Variants in EMX2 observed in about 807,000 individuals in gnomAD.
The protein encoded by EMX2 is homeobox protein EMX2.
A neutral mutation model predicts 23.0 loss-of-function variants in EMX2; 6 were observed. The observed-to-expected ratio is 0.26, with a 90% confidence interval of 0.14 to 0.52. The LOEUF is 0.52. EMX2 is among the 20% of genes least tolerant of loss of function. EMX2 has a pLI of 0.97. For synonymous variants in EMX2, 175 were observed against 153.3 expected, an observed-to-expected ratio of 1.14 and a Z score of -1.04; for missense variants, 302 against 341.4, an observed-to-expected ratio of 0.88 and a Z score of 0.91.
In EMX2 at chr10:117,545,635, A is replaced by G. The variant is rs1232650323; in HGVS notation, c.410A>G (p.Asn137Ser). 6.2e-7 allele frequency: 1 copy of G among 1,613,946 alleles called. No individual in the cohort carries two copies. Among genetic ancestry groups the G allele is most frequent in the Admixed American group, 1.7e-5 (1 of 60,028 alleles). Residue 137 changes from asparagine to serine, a missense_variant, in exon 2 of 3, where the codon AAC becomes AGC. This residue lies in a region of EMX2 where 221 missense variants were observed against 206.8 expected (regional missense o/e 1.07). Coordinates refer to ENST00000553456, the MANE Select transcript of EMX2 (RefSeq NM_004098.4). ...YRYLGHRFQG[N>S]DTSPESFLLH... ...ATTTCTGCTGTGCTCCCCGCAGGGA[A>G]CGACACTAGCCCCGAGAGTTTCCTT...
At chr10:117,547,052 T>C (rs1443009375) in intron 2 of EMX2, among the ~76,000 whole-genome samples, 5 of 152,192 alleles carry the variant, frequency 3.3e-5, no homozygotes, top group Non-Finnish European at 5.9e-5. Flanking sequence ...CTCCCTTACC[T>C]GTACACCACT....
At chr10:117,547,975 A>G in intron 2 of EMX2, 90 bp from the exon 3 acceptor site, 1 of 1,525,016 alleles carries the variant, frequency 6.6e-7, no homozygotes, top group Non-Finnish European at 8.8e-7. Flanking sequence ...TGAGTCTGGA[A>G]CTGGAGTCTG....
intron 1 of EMX2, chr10:117,544,168 T>G: frequency 5.2e-6 from 1 of 191,220 alleles, no homozygotes; most frequent in Non-Finnish European, 1.1e-5. Context: ...TTCCACCCTC[T>G]TCTGGAGGCG....
chr10:117,548,001 T>C lies in EMX2; in HGVS notation c.592-64T>C. 3 of 1,554,306 alleles carry C rather than the reference T, an allele frequency of 1.9e-6. No individual in the cohort carries two copies. The Admixed American group carries it at 5.8e-5, about 30-fold the overall frequency. Reference sequence around the variant, plus strand: ...CTGGAGTCTGGGCTGGGTGAAAGGATCAGGCACTTGATAGAAGGGTGCTCT... The same window carrying C: ...CTGGAGTCTGGGCTGGGTGAAAGGACCAGGCACTTGATAGAAGGGTGCTCT... On this transcript the variant is annotated intron_variant, in intron 2 of 2. Transcript: ENST00000553456.
Position 117,543,169 on chromosome 10 carries a change from C to T in EMX2, c.-99C>T. 1 of 765,816 alleles carries T rather than the reference C, an allele frequency of 1.3e-6. No individual in the cohort carries two copies. Among genetic ancestry groups the T allele is most frequent in the Non-Finnish European group, 1.7e-6 (1 of 586,096 alleles). 47.4% of individuals were successfully genotyped at this position (765,816 alleles called of 1,614,324 possible). A position where few individuals can be genotyped will look rare whatever the true frequency, so the allele number is the denominator to read the frequency against. ...CCCCCACCCCAAACAAACGAGTCCC[C>T]AATTCTCGTCCGTCCTCGCCGCGGG... On this transcript the variant is annotated 5_prime_UTR_variant, in exon 1 of 3. Coordinates refer to ENST00000553456, the MANE Select transcript of EMX2 (RefSeq NM_004098.4).
rs958969498 is a variant in EMX2 at position 117,542,980 on chromosome 10, C to A, written c.-288C>A. ...AAAGAAAAAAAATTACCCCAATCCA[C>A]GCCTGCAAATTCTTCTGGAAGGATT... On this transcript the variant is annotated 5_prime_UTR_variant, in exon 1 of 3. Coordinates refer to ENST00000553456, the MANE Select transcript of EMX2 (RefSeq NM_004098.4). 18 of 351,510 alleles carry A rather than the reference C, an allele frequency of 5.1e-5. No homozygotes were observed. Among genetic ancestry groups the A allele is most frequent in the African/African-American group, 3.5e-4 (16 of 45,908 alleles). 21.8% of individuals were successfully genotyped at this position (351,510 alleles called of 1,614,324 possible). A position where few individuals can be genotyped will look rare whatever the true frequency, so the allele number is the denominator to read the frequency against.
At chr10:117,547,102 T>A (rs919496941) in intron 2 of EMX2, among the ~76,000 whole-genome samples, 3 of 152,148 alleles carry the variant, frequency 2.0e-5, no homozygotes, top group Non-Finnish European at 4.4e-5. Context: ...GGTGGCTAAA[T>A]GAGGACCCAC....
chr10:117,548,387 G>A lies in EMX2; in HGVS notation c.*155G>A. 1 of 1,221,550 alleles carries A rather than the reference G, an allele frequency of 8.2e-7. No individual in the cohort carries two copies. Among genetic ancestry groups the A allele is most frequent in the African/African-American group, 1.5e-5 (1 of 65,190 alleles). The allele number at this position is 1,221,550 out of a possible 1,614,324, so 75.7% of individuals were successfully genotyped here. A position where few individuals can be genotyped will look rare whatever the true frequency, so the allele number is the denominator to read the frequency against. ...GGAGGGAGCAGCGGAATGCGGCGAA[G>A]ACTCTGGACAGCGAGGGCACAGGGT... is the stretch of plus-strand genomic sequence containing the variant. On this transcript the variant is annotated 3_prime_UTR_variant, in exon 3 of 3. Transcript: ENST00000553456.
Position 117,548,096 on chromosome 10 carries a change from A to G in EMX2, c.623A>G (p.Lys208Arg). The change falls in exon 3 of 3, where the codon AAG becomes AGG. Residue 208 changes from lysine to arginine, a missense_variant. Lys to Arg is a conservative substitution (Grantham distance 26). Transcript: ENST00000553456. ...VKVWFQNRRT[K>R]FKRQKLEEEG... The stretch of plus-strand genomic sequence containing the variant: ...GTATGGTTTCAGAACCGAAGAACAA[A>G]GTTCAAAAGGCAGAAGCTGGAGGAA... 6.2e-7 allele frequency: 1 copy of G among 1,613,336 alleles called. No homozygotes were observed. Among genetic ancestry groups the G allele is most frequent in the Non-Finnish European group, 8.5e-7 (1 of 1,179,650 alleles).
At chr10:117,545,477 G>A (rs1846563656) in intron 1 of EMX2, among the ~76,000 whole-genome samples, 155 bp from the exon 2 acceptor site, 1 of 152,158 alleles carries the variant, frequency 6.6e-6, no homozygotes, top group South Asian at 2.1e-4. Context: ...CGTTCCCTTC[G>A]TGAGCCCTTG....
At chr10:117,545,862 C>A in intron 2 of EMX2, 46 bp downstream of exon 2, 1 of 1,611,914 alleles carries the variant, frequency 6.2e-7, no homozygotes, top group Non-Finnish European at 8.5e-7. Flanking sequence ...CGTGCGCCCC[C>A]TCCCCAAAGC....
In EMX2 at chr10:117,543,263, G is replaced by A. The variant is rs1485176468; in HGVS notation, c.-5G>A. The A allele has an allele frequency of 6.5e-7, 1 of 1,542,434 alleles. No homozygotes were observed. Among genetic ancestry groups the A allele is most frequent in the Non-Finnish European group, 8.7e-7 (1 of 1,143,262 alleles). On this transcript the variant is annotated 5_prime_UTR_variant, in exon 1 of 3. Coordinates refer to ENST00000553456, the MANE Select transcript of EMX2 (RefSeq NM_004098.4). The stretch of plus-strand genomic sequence containing the variant: ...GAGCCCAGGGCGCCCGCTCCTCGGC[G>A]CAGCATGTTCCAGCCGGCGCCCAAG...
At chr10:117,546,568 C>G (rs1846581666) in intron 2 of EMX2, among the ~76,000 whole-genome samples, 1 of 152,214 alleles carries the variant, frequency 6.6e-6, no homozygotes, top group Admixed American at 6.5e-5. Flanking sequence ...TCAGAAAGGT[C>G]GAGGCTTTTG....
Position 117,548,106 on chromosome 10 carries a change from G to A in EMX2, c.633G>A (p.Arg211=). The A allele has an allele frequency of 6.2e-7, 1 of 1,613,492 alleles. No individual in the cohort carries two copies. The highest frequency in any genetic ancestry group is 1.3e-5 in the African/African-American group (1 of 75,008). ...AGAACCGAAGAACAAAGTTCAAAAG[G>A]CAGAAGCTGGAGGAAGAAGGCTCAG... ...WFQNRRTKFK[R]QKLEEEGSDS... is the part of the protein sequence containing the mutation. Residue 211 remains arginine (R), a synonymous_variant, in exon 3 of 3, where the codon AGG becomes AGA. Coordinates refer to ENST00000553456, the MANE Select transcript of EMX2 (RefSeq NM_004098.4).
intron 2 of EMX2, among the ~76,000 whole-genome samples, chr10:117,547,281 TAGA>T (rs1169592084): frequency 6.6e-6 from 1 of 152,218 alleles, no homozygotes; most frequent in Non-Finnish European, 1.5e-5. Context: ...CGGGGCTGTT[TAGA>T]AGGAGGGAAG....
At position 117,543,426 on chromosome 10, in the gene EMX2, G is replaced by GGCC. The variant is rs756693906; in HGVS notation, c.176_178dup (p.Ala59dup). On this transcript the variant is annotated inframe_insertion, in exon 1 of 3. Coordinates refer to ENST00000553456, the MANE Select transcript of EMX2 (RefSeq NM_004098.4). ...ATCCGTTCCTCAACGGCTTCCACTC[G>GGCC]GCCGCCGCCGCCGCCGCCGGTAGGG... The GGCC allele has an allele frequency of 5.4e-5, 86 of 1,597,602 alleles. No homozygotes were observed. The highest frequency in any genetic ancestry group is 1.6e-4 in the Middle Eastern group (1 of 6,064).
In EMX2 at chr10:117,548,447, G is replaced by A. The variant is rs1420149961; in HGVS notation, c.*215G>A. ...AGGCCGCGCCAAGATGGCAGAGGAT[G>A]GAGGCTCCTTCATCAACAAGCGACC... is the stretch of plus-strand genomic sequence containing the variant. On this transcript the variant is annotated 3_prime_UTR_variant, in exon 3 of 3. Transcript: ENST00000553456. 5 of 677,212 alleles carry A rather than the reference G, an allele frequency of 7.4e-6. No homozygotes were observed. The highest frequency in any genetic ancestry group is 1.2e-5 in the Non-Finnish European group (5 of 407,818). The allele number at this position is 677,212 out of a possible 1,614,324, so 42.0% of individuals were successfully genotyped here.
intron 2 of EMX2, among the ~76,000 whole-genome samples, chr10:117,547,466 C>A (rs1210039700): frequency 6.6e-6 from 1 of 152,242 alleles, no homozygotes; most frequent in Non-Finnish European, 1.5e-5. Context: ...CAGCCCCATC[C>A]CCTTCCTGCT....
intron 2 of EMX2, 49 bp from the exon 3 acceptor site, chr10:117,548,015 GA>G (rs1230609349): frequency 1.1e-5 from 17 of 1,571,660 alleles, no homozygotes; most frequent in Non-Finnish European, 1.3e-5. Context: ...GCACTTGATA[GA>G]AGGGTGCTCT....
Sources: gnomAD v4.1 joint callset for allele counts (sites outside exome capture counted in the v4.1 genomes callset) on GRCh38, gnomAD v4.1.1 for gene constraint, gnomAD v4.1.1 regional missense constraint, MANE v1.5 for transcripts, NCBI Gene and HGNC (gene_info 2026-07-23, HGNC 2026-07-21) for gene names.